The following EFHC2 variants were observed in gnomAD, a reference collection of about 807,000 sequenced individuals.
EFHC2 encodes the protein EF-hand domain-containing family member C2.
A neutral mutation model predicts 52.7 loss-of-function variants in EFHC2; 18 were observed. That is an observed-to-expected ratio of 0.34 (90% CI 0.24 to 0.51). The LOEUF (loss-of-function observed/expected upper bound fraction) is 0.51. EFHC2 is among the 20% of genes least tolerant of loss of function. The pLI is 0.97. For missense variants in EFHC2, 513 were observed against 562.5 expected (o/e 0.91, Z 0.89); for synonymous variants, 203 against 204.1 (o/e 0.99, Z 0.04).
intron 11 of EFHC2, among the ~76,000 whole-genome samples, chrX:44,228,885 C>A (rs1431953391): frequency 8.9e-6 from 1 of 111,952 alleles, no homozygotes; most frequent in African/African-American, 3.3e-5. Flanking sequence ...GAATTCTCAG[C>A]CTAAAGAGAA....
At position 44,294,249 on chromosome X, in the gene EFHC2, C is replaced by CGTGTGTGT. The variant is rs200162737; in HGVS notation, c.231+18311_231+18318dup. ...AAGTTTTCAGATTTGGTATACTCAA[C>CGTGTGTGT]GTGTGTGTGTGTGTGTGTGTGTGTG... is the stretch of plus-strand genomic sequence containing the variant. On this transcript the variant is annotated intron_variant, in intron 2 of 14. Coordinates refer to ENST00000420999, the MANE Select transcript of EFHC2 (RefSeq NM_025184.4). Among the ~76,000 whole-genome samples, 193 of 87,488 alleles carry CGTGTGTGT rather than the reference C, an allele frequency of 2.2e-3. 2 individuals are homozygous for CGTGTGTGT. The highest frequency in any genetic ancestry group is 0.012 in the Middle Eastern group (2 of 168). 76.0% of individuals were successfully genotyped at this position (87,488 alleles called of 115,157 possible).
chrX:44,286,744 T>G (rs1314429665), intron 2 of EFHC2, among the ~76,000 whole-genome samples: 3 of 110,906 alleles, frequency 2.7e-5, no homozygotes, highest in Non-Finnish European at 5.7e-5. Flanking sequence ...CCGGGCATGG[T>G]GGCTCACGCC....
intron 2 of EFHC2, among the ~76,000 whole-genome samples, chrX:44,305,870 A>G (rs184366033): frequency 1.8e-5 from 2 of 112,201 alleles, no homozygotes; most frequent in East Asian, 5.6e-4. Flanking sequence ...AGACTAATCT[A>G]GTTCAACTTT....
At chrX:44,235,244 TC>T (rs1299958697) in intron 9 of EFHC2, 60 bp downstream of exon 9, 7 of 979,448 alleles carry the variant, frequency 7.1e-6, no homozygotes, top group Non-Finnish European at 9.3e-6. Flanking sequence ...TCCCTAATTT[TC>T]AACATGAAGA....
At chrX:44,254,705 T>C (rs2037478776) in intron 4 of EFHC2, among the ~76,000 whole-genome samples, 1 of 112,071 alleles carries the variant, frequency 8.9e-6, no homozygotes, top group Admixed American at 9.4e-5. Flanking sequence ...CACTTCAGCA[T>C]ATTATCCAGG....
chrX:44,257,566 A>C (rs1015116049), intron 4 of EFHC2, among the ~76,000 whole-genome samples: 4 of 111,659 alleles, frequency 3.6e-5, no homozygotes, highest in Admixed American at 2.9e-4. Flanking sequence ...AATACCTAGG[A>C]ATACAACTTA....
chrX:44,309,731 C>G, intron 2 of EFHC2: 1 of 985,207 alleles, frequency 1.0e-6, no homozygotes, highest in Non-Finnish European at 1.4e-6. Flanking sequence ...GGCATCGGTC[C>G]TCGTTTCTTG....
chrX:44,179,255 CTG>C (rs1378687214), intron 11 of EFHC2, among the ~76,000 whole-genome samples: 1 of 111,027 alleles, frequency 9.0e-6, no homozygotes, highest in African/African-American at 3.3e-5. Flanking sequence ...CAATGTAACT[CTG>C]TATGAAAGCC....
At chrX:44,161,314 G>C (rs2036652960) in intron 14 of EFHC2, among the ~76,000 whole-genome samples, 1 of 112,021 alleles carries the variant, frequency 8.9e-6, no homozygotes, top group Non-Finnish European at 1.9e-5. Context: ...GTTGTGGGAA[G>C]TGTTTAGAAA....
intron 7 of EFHC2, among the ~76,000 whole-genome samples, chrX:44,245,592 A>T (rs1397967044): frequency 8.9e-6 from 1 of 112,086 alleles, no homozygotes; most frequent in Non-Finnish European, 1.9e-5. Flanking sequence ...GGATGGCCAA[A>T]CTGTCTGATG....
chrX:44,185,386 C>T (rs935209377), intron 11 of EFHC2, among the ~76,000 whole-genome samples: 1 of 111,498 alleles, frequency 9.0e-6, no homozygotes, highest in East Asian at 2.8e-4. Flanking sequence ...ATTAGATGCC[C>T]TCTTTCACTC....
chrX:44,270,770 C>T (rs1365102255), intron 3 of EFHC2, among the ~76,000 whole-genome samples: 12 of 110,710 alleles, frequency 1.1e-4, no homozygotes, highest in African/African-American at 3.6e-4. Context: ...CAAACAAAAC[C>T]CAAGACTATC....
chrX:44,252,457 C>T (rs2037459188), intron 4 of EFHC2, among the ~76,000 whole-genome samples: 1 of 111,941 alleles, frequency 8.9e-6, no homozygotes, highest in Non-Finnish European at 1.9e-5. Context: ...TCAGTCTTAT[C>T]TCTGATATTT....
intron 11 of EFHC2, among the ~76,000 whole-genome samples, chrX:44,217,562 C>T (rs2037161247): frequency 9.0e-6 from 1 of 110,888 alleles, no homozygotes; most frequent in Non-Finnish European, 1.9e-5. Flanking sequence ...ATGAAATTTG[C>T]TCATTATGTT....
At chrX:44,306,566 G>A in intron 2 of EFHC2, among the ~76,000 whole-genome samples, 1 of 112,123 alleles carries the variant, frequency 8.9e-6, no homozygotes, top group South Asian at 3.7e-4. Flanking sequence ...CCTATAAGAA[G>A]GAAGGGTAGA....
chrX:44,273,021 A>G (rs2037628731), intron 2 of EFHC2, among the ~76,000 whole-genome samples, 185 bp from the exon 3 acceptor site: 1 of 112,531 alleles, frequency 8.9e-6, no homozygotes, highest in Non-Finnish European at 1.9e-5. Flanking sequence ...ATACATAAAG[A>G]TTATTTAATA....
At chrX:44,214,392 T>C (rs2037126673) in intron 11 of EFHC2, among the ~76,000 whole-genome samples, 1 of 112,252 alleles carries the variant, frequency 8.9e-6, no homozygotes, top group African/African-American at 3.2e-5. Flanking sequence ...ATCTTACCCA[T>C]AGAGGAGCAA....
chrX:44,282,028 A>C (rs2037705698), intron 2 of EFHC2, among the ~76,000 whole-genome samples: 1 of 110,634 alleles, frequency 9.0e-6, no homozygotes, highest in Non-Finnish European at 1.9e-5. Flanking sequence ...TAAAATTCCT[A>C]CCTCCTCTCA....
Position 44,310,377 on chromosome X carries a change from G to A in EFHC2, c.231+2191C>T, listed in dbSNP as rs951016865. 5.1e-5 allele frequency: 48 copies of A among 949,832 alleles called. No homozygotes were observed. In the African/African-American group the frequency reaches 8.5e-4, roughly 17 times the overall value. 78.3% of individuals were successfully genotyped at this position (949,832 alleles called of 1,213,427 possible). On this transcript the variant is annotated intron_variant, in intron 2 of 14. Transcript: ENST00000420999. ...ACCCGGGTCCCGCTCAGGGCCGGCG[G>A]CCTGTTCACCTTGTCGACCAGGCTG...
Sources: allele counts gnomAD v4.1 joint callset (sites outside exome capture counted in the v4.1 genomes callset), GRCh38; gene constraint gnomAD v4.1.1; transcripts MANE v1.5; gene names NCBI Gene and HGNC (gene_info 2026-07-23, HGNC 2026-07-21).